The following SMOC2 variants were observed in gnomAD, a reference collection of about 807,000 sequenced individuals.
SMOC2 encodes the protein SPARC-related modular calcium-binding protein 2.
In SMOC2, 39 loss-of-function variants were observed where a neutral mutation model predicts 61.4. The ratio of observed to expected loss-of-function variants is 0.64; its 90% confidence interval spans 0.49 to 0.83. The LOEUF is 0.83. Ranked by LOEUF, SMOC2 falls within the 40% of genes least tolerant of loss-of-function variation. The pLI is 0.00. For missense variants in SMOC2, 556 were observed against 592.9 expected, an observed-to-expected ratio of 0.94 and a Z score of 0.65; for synonymous variants, 247 against 239.9, an observed-to-expected ratio of 1.03 and a Z score of -0.27.
At chr6:168,549,650 C>A (rs1784085169) in intron 7 of SMOC2, among the ~76,000 whole-genome samples, 1 of 152,086 alleles carries the variant, frequency 6.6e-6, no homozygotes, top group Admixed American at 6.6e-5. Flanking sequence ...AAGGATAAAT[C>A]CTTGTAACAG....
At chr6:168,607,358 G>A (rs1785725768) in intron 8 of SMOC2, among the ~76,000 whole-genome samples, 1 of 152,148 alleles carries the variant, frequency 6.6e-6, no homozygotes, top group Non-Finnish European at 1.5e-5. Flanking sequence ...GCTGCTGAAT[G>A]GCATGCATAT....
At chr6:168,548,523 A>AAT (rs397959914) in intron 6 of SMOC2, among the ~76,000 whole-genome samples, 7,505 of 31,070 alleles carry the variant, frequency 0.24, 265 homozygotes, top group African/African-American at 0.31. Context: ...ACCCCTGGCT[A>AAT]TTTTTTTTTT....
At chr6:168,463,409 A>G (rs970145929) in intron 1 of SMOC2, among the ~76,000 whole-genome samples, 18 of 152,166 alleles carry the variant, frequency 1.2e-4, no homozygotes, top group Non-Finnish European at 1.5e-4. Context: ...CTCATTCCCC[A>G]GTGAGGCCTG....
intron 9 of SMOC2, among the ~76,000 whole-genome samples, chr6:168,617,307 G>A (rs1224213189): frequency 6.6e-6 from 1 of 152,140 alleles, no homozygotes; most frequent in Non-Finnish European, 1.5e-5. Context: ...GGAGGGTGCT[G>A]GGCGCTTTTT....
chr6:168,608,410 G>T (rs1328848709), intron 9 of SMOC2, among the ~76,000 whole-genome samples, 171 bp downstream of exon 9: 1 of 152,214 alleles, frequency 6.6e-6, no homozygotes, highest in South Asian at 2.1e-4. Context: ...GAGACAGGGG[G>T]CCAGGAGCCC....
rs578008029 is a variant in SMOC2 at position 168,519,439 on chromosome 6, G to A, written c.257-6907G>A. On this transcript the variant is annotated intron_variant, in intron 2 of 12. Coordinates refer to ENST00000356284, the MANE Select transcript of SMOC2 (RefSeq NM_001166412.2). Reference sequence around the variant, plus strand: ...GTGTCTTGCAGAAACTCTACCCAGAGTATGTTTACCTTAACTCGCTTATGG... The same window carrying A: ...GTGTCTTGCAGAAACTCTACCCAGAATATGTTTACCTTAACTCGCTTATGG... 1.8e-3 allele frequency among the ~76,000 whole-genome samples: 281 copies of A among 152,300 alleles called. 1 individual carries two copies. The highest frequency in any genetic ancestry group is 6.6e-3 in the African/African-American group (273 of 41,564).
chr6:168,624,223 T>C (rs993258079), intron 9 of SMOC2, among the ~76,000 whole-genome samples: 2 of 152,226 alleles, frequency 1.3e-5, no homozygotes, highest in East Asian at 1.9e-4. Context: ...GGAAGTGTTA[T>C]TGATTTGTTC....
At chr6:168,624,808 C>T in intron 9 of SMOC2, among the ~76,000 whole-genome samples, 1 of 151,896 alleles carries the variant, frequency 6.6e-6, no homozygotes, top group African/African-American at 2.4e-5. Context: ...CACATGCACA[C>T]AGACACACAT....
At position 168,553,948 on chromosome 6, in the gene SMOC2, C is replaced by T. The variant is rs1054855813; in HGVS notation, c.637+4745C>T. Reference sequence around the variant, plus strand: ...GTGTGCTGTGCATGGTGCCCCTTCCCCACCAGGTATCAGCGTTTTTCACGT... The same window carrying T: ...GTGTGCTGTGCATGGTGCCCCTTCCTCACCAGGTATCAGCGTTTTTCACGT... On this transcript the variant is annotated intron_variant, in intron 7 of 12. Coordinates refer to ENST00000356284, the MANE Select transcript of SMOC2 (RefSeq NM_001166412.2). This position sits in a 1 kb window ranked among gnomAD's most constrained non-coding sequence, Gnocchi z 4.2. 2.6e-5 allele frequency among the ~76,000 whole-genome samples: 4 copies of T among 151,174 alleles called. No homozygotes were observed. The highest frequency in any genetic ancestry group is 1.3e-4 in the Admixed American group (2 of 15,264).
intron 11 of SMOC2, 93 bp downstream of exon 11, chr6:168,653,321 A>G (rs1787246374): frequency 1.4e-6 from 2 of 1,447,436 alleles, no homozygotes; most frequent in Admixed American, 2.3e-5. Flanking sequence ...GATTGTGTTT[A>G]TGGCCTGGGA....
intron 9 of SMOC2, among the ~76,000 whole-genome samples, chr6:168,647,289 G>A (rs1274295928): frequency 1.3e-5 from 2 of 152,210 alleles, no homozygotes; most frequent in African/African-American, 4.8e-5. Flanking sequence ...CCACCGTGCA[G>A]GCGGCTAAGT....
At chr6:168,441,486 A>T (rs1218758120) in intron 1 of SMOC2, 32 bp downstream of exon 1, 1 of 1,476,170 alleles carries the variant, frequency 6.8e-7, no homozygotes, top group Non-Finnish European at 9.0e-7. Context: ...CTGGAGCTCA[A>T]GTGGTGCCGC....
intron 1 of SMOC2, among the ~76,000 whole-genome samples, chr6:168,456,710 G>A (rs1017114911): frequency 3.3e-5 from 5 of 152,204 alleles, no homozygotes. Context: ...TTTTTAGGAG[G>A]GTGCTTCCAG....
intron 9 of SMOC2, among the ~76,000 whole-genome samples, chr6:168,640,546 A>G (rs1373123480): frequency 6.6e-6 from 1 of 152,204 alleles, no homozygotes; most frequent in Admixed American, 6.5e-5. Context: ...CTTGCTCTAA[A>G]TATTTTGAGT....
At chr6:168,575,529 A>G (rs1000823920) in intron 7 of SMOC2, among the ~76,000 whole-genome samples, 9 of 152,170 alleles carry the variant, frequency 5.9e-5, no homozygotes, top group Non-Finnish European at 1.0e-4. Flanking sequence ...CAGTTCCCCG[A>G]TGCAGAAGAC....
intron 7 of SMOC2, among the ~76,000 whole-genome samples, chr6:168,549,734 A>G (rs1381349072): frequency 5.3e-5 from 8 of 152,200 alleles, no homozygotes; most frequent in African/African-American, 1.7e-4. Flanking sequence ...TCAGTCATGA[A>G]AATAATTCTT....
At chr6:168,563,291 G>A (rs1200988573) in intron 7 of SMOC2, among the ~76,000 whole-genome samples, 1 of 151,918 alleles carries the variant, frequency 6.6e-6, no homozygotes, top group East Asian at 1.9e-4. Context: ...AGTTTTATGT[G>A]TGTGTGTGTA....
intron 6 of SMOC2, among the ~76,000 whole-genome samples, chr6:168,547,762 T>G (rs1319230623): frequency 6.6e-6 from 1 of 151,880 alleles, no homozygotes; most frequent in African/African-American, 2.4e-5. Context: ...AGAAACGGAT[T>G]GTGTGTGGCC....
chr6:168,636,609 A>G (rs967820897), intron 9 of SMOC2, among the ~76,000 whole-genome samples: 2 of 152,216 alleles, frequency 1.3e-5, no homozygotes, highest in Admixed American at 1.3e-4. Context: ...GTACACACTC[A>G]CAACATTGTT....
Sources: gnomAD v4.1 joint callset for allele counts (sites outside exome capture counted in the v4.1 genomes callset) on GRCh38, gnomAD v4.1.1 for gene constraint, Gnocchi (gnomAD v3.1) non-coding constraint, MANE v1.5 for transcripts, NCBI Gene and HGNC (gene_info 2026-07-23, HGNC 2026-07-21) for gene names.